The following FREM2 variants were observed in gnomAD, a reference collection of about 807,000 sequenced individuals.
FREM2 encodes the protein FRAS1 related extracellular matrix 2, also known as FRAS1-related extracellular matrix protein 2.
Under a neutral mutation model 219.9 loss-of-function variants are expected in FREM2, and 119 were observed. That is an observed-to-expected ratio of 0.54 (90% CI 0.47 to 0.63). FREM2 has a LOEUF of 0.63. Among genes scored for constraint, FREM2 ranks in the 30% least tolerant of loss-of-function variants. The pLI is 0.00. For synonymous variants in FREM2, 1,562 were observed against 1,522.8 expected (o/e 1.03, Z -0.60); for missense variants, 4,030 against 3,993.6 (o/e 1.01, Z -0.25).
intron 2 of FREM2, among the ~76,000 whole-genome samples, chr13:38,712,646 TCTCTCACA>T (rs938103438): frequency 3.2e-5 from 1 of 31,146 alleles, no homozygotes; most frequent in Non-Finnish European, 6.0e-5. Flanking sequence ...TCTCTTTCTC[TCTCTCACA>T]CACACACACA....
chr13:38,747,542 G>C (rs1872539632), intron 2 of FREM2, among the ~76,000 whole-genome samples: 1 of 151,190 alleles, frequency 6.6e-6, no homozygotes, highest in South Asian at 2.1e-4. Flanking sequence ...TTTTTTCCTT[G>C]TCTATATAAA....
At chr13:38,851,537 C>T in intron 10 of FREM2, 149 bp from the exon 11 acceptor site, 2 of 689,748 alleles carry the variant, frequency 2.9e-6, no homozygotes. Context: ...TCCTTCCACA[C>T]ACGTCACTAA....
In FREM2 at chr13:38,865,997, C is replaced by A. The variant is rs561831785; in HGVS notation, c.7983+1391C>A. Among the ~76,000 whole-genome samples, 14 of 152,276 alleles carry A rather than the reference C, an allele frequency of 9.2e-5. No individual in the cohort carries two copies. In the East Asian group the frequency reaches 2.7e-3, roughly 29 times the overall value. On this transcript the variant is annotated intron_variant, in intron 16 of 23. Coordinates refer to ENST00000280481, the MANE Select transcript of FREM2 (RefSeq NM_207361.6). Reference sequence around the variant, plus strand: ...AAAATAAAGGCTCATATTAACAAATCTACCTCTTTTTCTTTATAGATCAGG... The same window carrying A: ...AAAATAAAGGCTCATATTAACAAATATACCTCTTTTTCTTTATAGATCAGG...
Position 38,699,026 on chromosome 13 carries a change from C to T in FREM2, c.5263+1239C>T, listed in dbSNP as rs138469154. On this transcript the variant is annotated intron_variant, in intron 2 of 23. Coordinates refer to ENST00000280481, the MANE Select transcript of FREM2 (RefSeq NM_207361.6). ...AACGAAGTTCTAAAAAGGAAATCAA[C>T]TCATAAAAAAAACCTTCTTGAATTT... 9.1e-3 allele frequency among the ~76,000 whole-genome samples: 1,390 copies of T among 152,102 alleles called. 20 individuals carry two copies. The highest frequency in any genetic ancestry group is 0.032 in the African/African-American group (1,309 of 41,494).
In FREM2 at chr13:38,856,265, T is replaced by C. The variant is rs1183150994; in HGVS notation, c.7056+9T>C. 3.7e-6 allele frequency: 6 copies of C among 1,610,528 alleles called. No homozygotes were observed. Among genetic ancestry groups the C allele is most frequent in the South Asian group, 3.3e-5 (3 of 90,962 alleles). Reference sequence around the variant, plus strand: ...TGATAGCAGAGATGCAGGTAAGTAATGTAATGTGTATGTAAATTCATGGCT... The same window carrying C: ...TGATAGCAGAGATGCAGGTAAGTAACGTAATGTGTATGTAAATTCATGGCT... On this transcript the variant is annotated intron_variant, in intron 12 of 23. Transcript: ENST00000280481.
intron 2 of FREM2, among the ~76,000 whole-genome samples, chr13:38,732,191 A>G (rs1593372103): frequency 6.6e-6 from 1 of 152,352 alleles, no homozygotes; most frequent in African/African-American, 2.4e-5. Context: ...ACAAAATGTC[A>G]TATCTTAGTA....
chr13:38,883,209 G>A lies in FREM2; in HGVS notation c.*2422G>A, dbSNP rs1210882686. On this transcript the variant is annotated 3_prime_UTR_variant, in exon 24 of 24. Transcript: ENST00000280481. ...GCTTTTTAAAATATAAAGTACTTGG[G>A]ATTTTGCATTATTTTTCTTAATATC... The A allele has an allele frequency of 6.6e-6, 1 of 151,938 alleles. No individual in the cohort carries two copies. Among genetic ancestry groups the A allele is most frequent in the Admixed American group, 6.6e-5 (1 of 15,252 alleles). The allele number at this position is 151,938 out of a possible 1,614,324, so 9.4% of individuals were successfully genotyped here.
intron 6 of FREM2, 116 bp from the exon 7 acceptor site, chr13:38,846,457 A>G (rs1170816281): frequency 1.6e-5 from 16 of 1,022,982 alleles, no homozygotes; most frequent in Non-Finnish European, 2.1e-5. Flanking sequence ...GGAAAAAAGT[A>G]TGATGATATA....
chr13:38,771,085 T>A (rs1034507914), intron 4 of FREM2, among the ~76,000 whole-genome samples: 4 of 152,192 alleles, frequency 2.6e-5, no homozygotes, highest in Non-Finnish European at 5.9e-5. Flanking sequence ...GAAATCCCTG[T>A]GTTAAAAGAC....
chr13:38,778,624 A>G (rs1306097714), intron 4 of FREM2, among the ~76,000 whole-genome samples: 3 of 152,156 alleles, frequency 2.0e-5, no homozygotes, highest in African/African-American at 7.2e-5. Context: ...GCGGGAAACA[A>G]CACACACTGG....
chr13:38,853,593 G>C (rs1877454953), intron 11 of FREM2, among the ~76,000 whole-genome samples: 1 of 152,132 alleles, frequency 6.6e-6, no homozygotes, highest in African/African-American at 2.4e-5. Context: ...AATAAAGTTA[G>C]TGAGGCAACA....
At position 38,692,516 on chromosome 13, in the gene FREM2, A is replaced by G. The variant is rs1869938201; in HGVS notation, c.5172A>G (p.Gln1724=). 1.2e-6 allele frequency: 2 copies of G among 1,609,298 alleles called. No individual in the cohort carries two copies. The highest frequency in any genetic ancestry group is 1.7e-6 in the Non-Finnish European group (2 of 1,179,978). The change falls in exon 1 of 24, where the codon CAA becomes CAG. Residue 1724 remains glutamine, a splice_region_variant and synonymous_variant. Coordinates refer to ENST00000280481, the MANE Select transcript of FREM2 (RefSeq NM_207361.6). ...KGNHSITQFT[Q]ADIDDMKICY... Reference sequence around the variant, plus strand: ...ACCACAGCATCACTCAGTTCACACAAGGTATGTTTCATGTTTCTTTTCTTG... The same window carrying G: ...ACCACAGCATCACTCAGTTCACACAGGGTATGTTTCATGTTTCTTTTCTTG...
intron 23 of FREM2, among the ~76,000 whole-genome samples, chr13:38,879,483 G>A (rs1306767953): frequency 6.6e-6 from 1 of 152,168 alleles, no homozygotes; most frequent in Non-Finnish European, 1.5e-5. Flanking sequence ...ATCAAAGGTG[G>A]AGGGAAACAC....
At position 38,872,723 on chromosome 13, in the gene FREM2, T is replaced by C; in HGVS notation, c.7984-19T>C. Reference sequence around the variant, plus strand: ...GTTAACACTGAGTCATGTTGATTGATGTAATTTTGTTGTTTTAGGTCCTAA... The same window carrying C: ...GTTAACACTGAGTCATGTTGATTGACGTAATTTTGTTGTTTTAGGTCCTAA... On this transcript the variant is annotated intron_variant, in intron 16 of 23. Coordinates refer to ENST00000280481, the MANE Select transcript of FREM2 (RefSeq NM_207361.6). 2.5e-6 allele frequency: 4 copies of C among 1,607,874 alleles called. No homozygotes were observed. The highest frequency in any genetic ancestry group is 3.4e-6 in the Non-Finnish European group (4 of 1,174,414).
intron 6 of FREM2, among the ~76,000 whole-genome samples, chr13:38,841,179 T>G (rs972002602): frequency 6.6e-6 from 1 of 152,192 alleles, no homozygotes; most frequent in African/African-American, 2.4e-5. Context: ...TGAAATAAGG[T>G]ACTGAATTTA....
chr13:38,720,360 T>C (rs528024398), intron 2 of FREM2, among the ~76,000 whole-genome samples: 1 of 152,290 alleles, frequency 6.6e-6, no homozygotes, highest in African/African-American at 2.4e-5. Flanking sequence ...TGTAGCCAGT[T>C]CAATTTGACA....
intron 6 of FREM2, among the ~76,000 whole-genome samples, chr13:38,792,048 A>T (rs1365635770): frequency 3.3e-5 from 5 of 152,174 alleles, no homozygotes; most frequent in African/African-American, 1.2e-4. Flanking sequence ...AACCATGAAA[A>T]CAAAAATGTC....
At chr13:38,781,462 T>C (rs1326685162) in intron 4 of FREM2, among the ~76,000 whole-genome samples, 1 of 152,132 alleles carries the variant, frequency 6.6e-6, no homozygotes, top group African/African-American at 2.4e-5. Flanking sequence ...ATACTACTTA[T>C]TTTCTTGTAT....
intron 16 of FREM2, among the ~76,000 whole-genome samples, chr13:38,871,195 G>C (rs1362626880): frequency 1.3e-5 from 2 of 152,318 alleles, no homozygotes; most frequent in Admixed American, 6.5e-5. Context: ...TGGTTTGGTT[G>C]ATGGTTCTTT....
Sources: allele counts gnomAD v4.1 joint callset (sites outside exome capture counted in the v4.1 genomes callset), GRCh38; gene constraint gnomAD v4.1.1; transcripts MANE v1.5; gene names NCBI Gene and HGNC (gene_info 2026-07-23, HGNC 2026-07-21).